Variants in CPNE4 observed in about 807,000 individuals in gnomAD.
The protein encoded by CPNE4 is copine 4, also known as copine-4.
A neutral mutation model predicts 67.9 loss-of-function variants in CPNE4; 25 were observed. The observed-to-expected ratio is 0.37, with a 90% CI of 0.27 to 0.51. The LOEUF (loss-of-function observed/expected upper bound fraction) is 0.51. Ranked by LOEUF, CPNE4 falls within the 20% of genes least tolerant of loss-of-function variation. The probability of loss-of-function intolerance (pLI) is 0.93; values close to 1 mark genes in which losing one functional copy is unlikely to be tolerated. For missense variants in CPNE4, 464 were observed against 690.8 expected (o/e 0.67, Z 3.68); for synonymous variants, 242 against 244.9 (o/e 0.99, Z 0.11).
In CPNE4 at chr3:131,699,925, C is replaced by G; in HGVS notation, c.416G>C (p.Gly139Ala). 1 of 1,612,982 alleles carries G rather than the reference C, an allele frequency of 6.2e-7. No individual in the cohort carries two copies. The highest frequency in any genetic ancestry group is 8.5e-7 in the Non-Finnish European group (1 of 1,179,348). The change falls in exon 4 of 16, where the codon GGG becomes GCG. Residue 139 changes from glycine (G) to alanine (A), a missense_variant. Around this residue, in one of 6 missense-constraint regions of CPNE4, gnomAD observed 170 missense variants for 203.3 expected, o/e 0.84. Coordinates refer to ENST00000429747, the MANE Select transcript of CPNE4 (RefSeq NM_130808.3). ...CCTGCTTACCGTGATGGAAGATTTC[C>G]CTGCTGTGTTCCCATGCTTCAGCAA... ...KSLLKHGNTA[G>A]KSSITVIAEE...
At chr3:131,708,842 T>C (rs114734116) in intron 3 of CPNE4, among the ~76,000 whole-genome samples, 1,883 of 151,624 alleles carry the variant, frequency 0.012, 28 homozygotes, top group Non-Finnish European at 0.016. Flanking sequence ...TGTAAGTTGC[T>C]ACAGTTTTTC....
intron 7 of CPNE4, among the ~76,000 whole-genome samples, chr3:131,628,173 A>G (rs1305549369): frequency 6.6e-6 from 1 of 152,162 alleles, no homozygotes; most frequent in African/African-American, 2.4e-5. Flanking sequence ...CACCACCCTG[A>G]TCAGTCAGCA....
chr3:131,867,521 C>T (rs775390400), intron 2 of CPNE4, among the ~76,000 whole-genome samples: 1 of 92,122 alleles, frequency 1.1e-5, no homozygotes, highest in Admixed American at 1.4e-4. Flanking sequence ...GGAAGGCATG[C>T]GGGTGGGGGG....
At chr3:131,710,538 A>C (rs2081531568) in intron 3 of CPNE4, among the ~76,000 whole-genome samples, 1 of 152,220 alleles carries the variant, frequency 6.6e-6, no homozygotes, top group Non-Finnish European at 1.5e-5. Flanking sequence ...GTGGCTTAGT[A>C]GGCAAGGTAG....
intron 1 of CPNE4, among the ~76,000 whole-genome samples, chr3:131,939,552 T>C (rs1485990147): frequency 6.6e-6 from 1 of 151,984 alleles, no homozygotes; most frequent in East Asian, 1.9e-4. Flanking sequence ...TTGCCTAAGA[T>C]TATCCTGATT....
chr3:131,607,115 A>G (rs909336741), intron 7 of CPNE4, among the ~76,000 whole-genome samples: 1 of 151,912 alleles, frequency 6.6e-6, no homozygotes, highest in Non-Finnish European at 1.5e-5. Context: ...CCTCTAAACA[A>G]TAATTATGAC....
intron 1 of CPNE4, among the ~76,000 whole-genome samples, chr3:131,977,642 G>A (rs576292410): frequency 1.1e-4 from 16 of 151,790 alleles, no homozygotes; most frequent in Non-Finnish European, 1.9e-4. Flanking sequence ...TCCTCTATGC[G>A]GTTCTTTTTT....
chr3:131,951,542 A>G (rs149041879), intron 1 of CPNE4, among the ~76,000 whole-genome samples: 11 of 150,890 alleles, frequency 7.3e-5, no homozygotes, highest in Non-Finnish European at 1.3e-4. Context: ...CCCTCTCCCC[A>G]CAGTCTCCCT....
At chr3:131,786,876 TAA>T (rs565609379) in intron 2 of CPNE4, among the ~76,000 whole-genome samples, 212 of 152,196 alleles carry the variant, frequency 1.4e-3, no homozygotes, top group Middle Eastern at 6.8e-3. Flanking sequence ...CTGGGGAAAA[TAA>T]AAAGTCTTCT....
At chr3:131,670,438 T>C (rs1395191011) in intron 6 of CPNE4, among the ~76,000 whole-genome samples, 3 of 152,226 alleles carry the variant, frequency 2.0e-5, no homozygotes, top group African/African-American at 7.2e-5. Flanking sequence ...ACTTGGCTAA[T>C]CCTGGCCTAA....
chr3:131,798,685 C>A (rs576218945), intron 2 of CPNE4, among the ~76,000 whole-genome samples: 1 of 152,094 alleles, frequency 6.6e-6, no homozygotes, highest in East Asian at 1.9e-4. Flanking sequence ...TTTCAACCTT[C>A]CAACTTTTTC....
intron 1 of CPNE4, among the ~76,000 whole-genome samples, chr3:132,005,530 G>T (rs1373400706): frequency 6.6e-6 from 1 of 151,708 alleles, no homozygotes; most frequent in East Asian, 1.9e-4. Flanking sequence ...AAGCATGAGG[G>T]AGGGCAGAAT....
At chr3:131,557,359 G>A (rs1936516234) in intron 11 of CPNE4, among the ~76,000 whole-genome samples, 1 of 152,034 alleles carries the variant, frequency 6.6e-6, no homozygotes, top group Non-Finnish European at 1.5e-5. Flanking sequence ...AAGGAAAAAG[G>A]GATGAGCCCC....
chr3:131,584,241 T>C (rs147990402), intron 8 of CPNE4, among the ~76,000 whole-genome samples: 3 of 152,262 alleles, frequency 2.0e-5, no homozygotes, highest in African/African-American at 7.2e-5. Flanking sequence ...TCCATTCTCT[T>C]GATTTTAAAT....
chr3:131,541,858 A>T (rs1034040062), intron 15 of CPNE4, among the ~76,000 whole-genome samples: 1 of 151,930 alleles, frequency 6.6e-6, no homozygotes, highest in Non-Finnish European at 1.5e-5. Context: ...TTTAGTAGAG[A>T]TGGAGTTTTA....
intron 2 of CPNE4, among the ~76,000 whole-genome samples, chr3:131,891,899 C>T (rs1348760095): frequency 3.3e-5 from 5 of 152,034 alleles, no homozygotes; most frequent in African/African-American, 4.8e-5. Flanking sequence ...CTCACCTCCA[C>T]AAAAAGAGAC....
chr3:131,884,770 G>A (rs539217303), intron 2 of CPNE4, among the ~76,000 whole-genome samples: 3 of 152,186 alleles, frequency 2.0e-5, no homozygotes, highest in South Asian at 4.2e-4. Context: ...AGGGGTTTCC[G>A]CTTTTGCATA....
chr3:131,654,212 C>G (rs1295636521), intron 7 of CPNE4, among the ~76,000 whole-genome samples: 1 of 151,926 alleles, frequency 6.6e-6, no homozygotes, highest in Non-Finnish European at 1.5e-5. Context: ...TTATTTTTTT[C>G]CCTACCTAAG....
At chr3:132,018,414 AG>A in intron 1 of CPNE4, among the ~76,000 whole-genome samples, 1 of 152,354 alleles carries the variant, frequency 6.6e-6, no homozygotes, top group Middle Eastern at 3.4e-3. Flanking sequence ...GCAAGTTGTC[AG>A]GGGTTTGCTA....
Sources: gnomAD v4.1 joint callset for allele counts (sites outside exome capture counted in the v4.1 genomes callset) on GRCh38, gnomAD v4.1.1 for gene constraint, gnomAD v4.1.1 regional missense constraint, MANE v1.5 for transcripts, NCBI Gene and HGNC (gene_info 2026-07-23, HGNC 2026-07-21) for gene names.